The following GABPB1 variants were observed in gnomAD, a reference collection of about 807,000 sequenced individuals.
GABPB1 encodes GA-binding protein subunit beta-1.
In GABPB1, 15 loss-of-function variants were observed where a neutral mutation model predicts 45.9. The ratio of observed to expected loss-of-function variants is 0.33; its 90% CI spans 0.22 to 0.50. The LOEUF (loss-of-function observed/expected upper bound fraction) is 0.50. Among genes scored for constraint, GABPB1 ranks in the 20% least tolerant of loss-of-function variants. The pLI, the probability that GABPB1 is intolerant of heterozygous loss-of-function variation, is 0.98. For missense variants in GABPB1, 252 were observed against 457.5 expected, an observed-to-expected ratio of 0.55 and a Z score of 4.10; for synonymous variants, 143 against 154.4, an observed-to-expected ratio of 0.93 and a Z score of 0.55.
intron 8 of GABPB1, among the ~76,000 whole-genome samples, chr15:50,282,575 A>AAAAAAAAAAAAAAAAAAC (rs2046020090): frequency 3.3e-5 from 5 of 150,656 alleles, no homozygotes; most frequent in Admixed American, 6.6e-5. Flanking sequence ...AAAAAAAAAA[A>AAAAAAAAAAAAAAAAAAC]CAGAGACGGA....
intron 6 of GABPB1, among the ~76,000 whole-genome samples, chr15:50,295,543 T>C (rs193212186): frequency 3.5e-4 from 54 of 152,290 alleles, no homozygotes; most frequent in African/African-American, 1.2e-3. Context: ...GAAAATGTGA[T>C]TGCTTCTGTA....
chr15:50,285,867 C>T (rs2046135192), intron 8 of GABPB1: 1 of 1,349,558 alleles, frequency 7.4e-7, no homozygotes. Context: ...TAAACAAATT[C>T]TTCACTCACT....
chr15:50,340,221 T>C (rs566710741), intron 1 of GABPB1, among the ~76,000 whole-genome samples: 3 of 152,284 alleles, frequency 2.0e-5, no homozygotes, highest in Non-Finnish European at 4.4e-5. Context: ...ACCACCTTGA[T>C]CTTGAACTTC....
chr15:50,311,396 G>C (rs1282192293), intron 1 of GABPB1, among the ~76,000 whole-genome samples: 1 of 152,194 alleles, frequency 6.6e-6, no homozygotes, highest in East Asian at 1.9e-4. Flanking sequence ...TATATACTCT[G>C]AGGGTTAGGT....
intron 2 of GABPB1, 86 bp downstream of exon 2, chr15:50,309,605 T>C (rs562268612): frequency 2.0e-5 from 15 of 767,026 alleles, no homozygotes; most frequent in African/African-American, 1.6e-4. Context: ...TTACCACTTA[T>C]AAACACAATA....
chr15:50,349,408 C>T (rs2048736324), intron 1 of GABPB1: 1 of 152,084 alleles, frequency 6.6e-6, no homozygotes, highest in Non-Finnish European at 1.5e-5. Context: ...TATGAAATAA[C>T]ATTTAATCTT....
At chr15:50,283,236 T>G (rs2046046586) in intron 8 of GABPB1, among the ~76,000 whole-genome samples, 1 of 152,166 alleles carries the variant, frequency 6.6e-6, no homozygotes, top group Non-Finnish European at 1.5e-5. Context: ...TAACGTTTAT[T>G]TTTGGAAATC....
chr15:50,325,463 C>A (rs376974742), intron 1 of GABPB1, among the ~76,000 whole-genome samples: 1 of 151,542 alleles, frequency 6.6e-6, no homozygotes, highest in Admixed American at 6.6e-5. Flanking sequence ...AAAAAAAAAT[C>A]ATCATCATCT....
intron 6 of GABPB1, among the ~76,000 whole-genome samples, chr15:50,292,333 A>G (rs2046377265): frequency 6.6e-6 from 1 of 151,826 alleles, no homozygotes; most frequent in Non-Finnish European, 1.5e-5. Flanking sequence ...AAAAAAAAAA[A>G]AAAAGATAAA....
At chr15:50,322,869 A>G (rs2141098640) in intron 1 of GABPB1, among the ~76,000 whole-genome samples, 1 of 152,072 alleles carries the variant, frequency 6.6e-6, no homozygotes, top group African/African-American at 2.4e-5. Flanking sequence ...TCTACAAAAA[A>G]TACAAAAAAA....
intron 7 of GABPB1, 46 bp downstream of exon 7, chr15:50,289,437 T>TAA (rs11352059): frequency 0.037 from 38,514 of 1,038,452 alleles, 1 homozygote; most frequent in Non-Finnish European, 0.043. Flanking sequence ...AAATAAAAAT[T>TAA]AAAAAAAAAA....
chr15:50,341,173 T>C (rs1381127872), intron 1 of GABPB1, among the ~76,000 whole-genome samples: 1 of 152,058 alleles, frequency 6.6e-6, no homozygotes, highest in African/African-American at 2.4e-5. Flanking sequence ...AAAATGAATA[T>C]AGATATAATT....
intron 8 of GABPB1, among the ~76,000 whole-genome samples, chr15:50,279,098 T>G (rs1019400374): frequency 2.0e-5 from 3 of 151,886 alleles, no homozygotes; most frequent in Non-Finnish European, 4.4e-5. Context: ...TAGTGAAGAG[T>G]TTTTAAGAGG....
At chr15:50,348,662 G>C (rs2048700198) in intron 1 of GABPB1, among the ~76,000 whole-genome samples, 1 of 151,556 alleles carries the variant, frequency 6.6e-6, no homozygotes, top group African/African-American at 2.4e-5. Flanking sequence ...AAGAGATCAA[G>C]ACCATCCTGA....
At chr15:50,300,686 C>A (rs2046708596) in intron 6 of GABPB1, 103 bp downstream of exon 6, 3 of 690,234 alleles carry the variant, frequency 4.3e-6, no homozygotes, top group Non-Finnish European at 7.8e-6. Context: ...CTCAGGCAAT[C>A]CACCCGCCTC....
At position 50,335,631 on chromosome 15, in the gene GABPB1, G is replaced by A. The variant is rs144091055; in HGVS notation, c.-1+19354C>T. Among the ~76,000 whole-genome samples the A allele has an allele frequency of 4.0e-3, 610 of 152,152 alleles. 3 individuals carry two copies. The highest frequency in any genetic ancestry group is 0.014 in the African/African-American group (583 of 41,530). On this transcript the variant is annotated intron_variant, in intron 1 of 8. Transcript: ENST00000380877. Reference sequence around the variant, plus strand: ...GAAGACTGGTCGGCCGGGTGCAGTGGCTCACACCTGTAATCCCAGCACTTT... The same window carrying A: ...GAAGACTGGTCGGCCGGGTGCAGTGACTCACACCTGTAATCCCAGCACTTT...
At chr15:50,303,775 T>C (rs749905000) in intron 3 of GABPB1, among the ~76,000 whole-genome samples, 191 bp downstream of exon 3, 2 of 151,750 alleles carry the variant, frequency 1.3e-5, no homozygotes, top group Non-Finnish European at 2.9e-5. Context: ...ACTAAGAATA[T>C]ACCTAAATGA....
At chr15:50,335,895 CAAAA>C (rs775073809) in intron 1 of GABPB1, among the ~76,000 whole-genome samples, 1 of 79,320 alleles carries the variant, frequency 1.3e-5, no homozygotes, top group Non-Finnish European at 2.4e-5. Context: ...GACTCCGACT[CAAAA>C]AAAAAAAAAA....
chr15:50,282,252 TA>T (rs1235630389), intron 8 of GABPB1: 2 of 451,738 alleles, frequency 4.4e-6, no homozygotes, highest in African/African-American at 2.0e-5. Flanking sequence ...AACACTAATT[TA>T]AAAAAAGAGA....
Sources: allele counts gnomAD v4.1 joint callset (sites outside exome capture counted in the v4.1 genomes callset), GRCh38; gene constraint gnomAD v4.1.1; transcripts MANE v1.5; gene names NCBI Gene and HGNC (gene_info 2026-07-23, HGNC 2026-07-21).